Variants in SLC35D4 observed in about 807,000 individuals in gnomAD.
SLC35D4 encodes UDP-N-acetylglucosamine transporter SLC35D4.
the SLC35D4 span, among the ~76,000 whole-genome samples, chr18:23,372,893 G>A: frequency 6.6e-6 from 1 of 151,690 alleles, no homozygotes; most frequent in Admixed American, 6.6e-5. Flanking sequence ...ATAATGCTGG[G>A]GGAGAAAAGG....
the SLC35D4 span, among the ~76,000 whole-genome samples, chr18:23,248,218 A>C: frequency 6.6e-6 from 1 of 152,172 alleles, no homozygotes; most frequent in Non-Finnish European, 1.5e-5. Flanking sequence ...ACTCAGACTC[A>C]ACGGATCGGA....
the SLC35D4 span, among the ~76,000 whole-genome samples, chr18:23,429,766 G>A: frequency 2.0e-5 from 3 of 152,166 alleles, no homozygotes; most frequent in Non-Finnish European, 4.4e-5. Flanking sequence ...GATTAGTGAT[G>A]TTAAGCACTT....
At chr18:23,363,399 T>C in the SLC35D4 span, among the ~76,000 whole-genome samples, 5 of 110,664 alleles carry the variant, frequency 4.5e-5, no homozygotes, top group African/African-American at 1.5e-4. Flanking sequence ...TTTTTTGAGA[T>C]GGAGTCTCGC....
At chr18:23,243,053 A>G in the SLC35D4 span, among the ~76,000 whole-genome samples, 1 of 150,264 alleles carries the variant, frequency 6.7e-6, no homozygotes, top group Admixed American at 6.7e-5. Context: ...ATTTAATAAC[A>G]TACTCATATA....
chr18:23,297,916 C>T, the SLC35D4 span: 13 of 1,474,902 alleles, frequency 8.8e-6, no homozygotes, highest in African/African-American at 1.5e-4. Flanking sequence ...CTGACACATC[C>T]AACAGGGAGC....
At chr18:23,411,479 GAGATAGAA>G in the SLC35D4 span, among the ~76,000 whole-genome samples, 17 of 72,844 alleles carry the variant, frequency 2.3e-4, no homozygotes, top group South Asian at 8.9e-4. Flanking sequence ...AAGAAAGAAA[GAGATAGAA>G]AGAAAGAAAG....
chr18:23,250,347 G>T, the SLC35D4 span, among the ~76,000 whole-genome samples: 2 of 152,134 alleles, frequency 1.3e-5, no homozygotes, highest in Non-Finnish European at 2.9e-5. Context: ...GGATTGGGGG[G>T]TGAGGGGTTG....
At chr18:23,371,892 G>A in the SLC35D4 span, among the ~76,000 whole-genome samples, 1 of 143,302 alleles carries the variant, frequency 7.0e-6, no homozygotes, top group Non-Finnish European at 1.5e-5. Context: ...ACAGGACTTA[G>A]TATCATAGGA....
chr18:23,365,497 G>T, the SLC35D4 span: 1 of 949,286 alleles, frequency 1.1e-6, no homozygotes, highest in Non-Finnish European at 1.6e-6. Context: ...GTTTCAAATA[G>T]GTGGGACCTT....
chr18:23,347,436 T>C, the SLC35D4 span, among the ~76,000 whole-genome samples: 1 of 152,068 alleles, frequency 6.6e-6, no homozygotes, highest in African/African-American at 2.4e-5. Context: ...TATCTCTCTC[T>C]CTCTCTGAGA....
the SLC35D4 span, among the ~76,000 whole-genome samples, chr18:23,350,702 G>A: frequency 1.3e-5 from 2 of 151,950 alleles, no homozygotes; most frequent in South Asian, 2.1e-4. Context: ...CTGGCCTTTC[G>A]TGTTCATGCA....
chr18:23,419,935 C>A, the SLC35D4 span, among the ~76,000 whole-genome samples: 1 of 152,086 alleles, frequency 6.6e-6, no homozygotes, highest in Non-Finnish European at 1.5e-5. Context: ...TATTTATATA[C>A]GTATGTATGC....
the SLC35D4 span, among the ~76,000 whole-genome samples, chr18:23,289,821 T>G: frequency 6.6e-6 from 1 of 152,204 alleles, no homozygotes; most frequent in Non-Finnish European, 1.5e-5. Flanking sequence ...TGGCTCATCC[T>G]GGCTCAAAAG....
the SLC35D4 span, among the ~76,000 whole-genome samples, chr18:23,414,116 A>T: frequency 1.1e-4 from 17 of 151,626 alleles, no homozygotes; most frequent in Non-Finnish European, 2.5e-4. Context: ...TTAGCCGGGC[A>T]TGGTGGCAGG....
At chr18:23,273,752 C>T in the SLC35D4 span, among the ~76,000 whole-genome samples, 2,640 of 152,208 alleles carry the variant, frequency 0.017, 43 homozygotes, top group Middle Eastern at 0.031. Context: ...AAGTCTCCTG[C>T]CACCTAAAGC....
the SLC35D4 span, among the ~76,000 whole-genome samples, chr18:23,400,037 C>T: frequency 6.6e-6 from 1 of 152,186 alleles, no homozygotes; most frequent in South Asian, 2.1e-4. Flanking sequence ...CCAGGCTACA[C>T]CAAACAGCTC....
the SLC35D4 span, among the ~76,000 whole-genome samples, chr18:23,348,621 G>A: frequency 6.6e-6 from 1 of 151,932 alleles, no homozygotes; most frequent in East Asian, 1.9e-4. Flanking sequence ...CTGTTATAAA[G>A]TCTATTTTGT....
chr18:23,363,364 A>AT, the SLC35D4 span, among the ~76,000 whole-genome samples: 1,751 of 90,444 alleles, frequency 0.019, 436 homozygotes, highest in African/African-American at 0.04. Flanking sequence ...ACAAAAGCAC[A>AT]TTTTTTTTTT....
the SLC35D4 span, among the ~76,000 whole-genome samples, chr18:23,401,953 A>G: frequency 2.7e-3 from 415 of 152,350 alleles, 4 homozygotes; most frequent in African/African-American, 9.5e-3. Flanking sequence ...ACTTGTGGGA[A>G]GTGTTAGAGG....
Sources: allele counts gnomAD v4.1 joint callset (sites outside exome capture counted in the v4.1 genomes callset), GRCh38; gene constraint gnomAD v4.1.1; transcripts MANE v1.5; gene names NCBI Gene and HGNC (gene_info 2026-07-23, HGNC 2026-07-21).